Variants in NLGN1 observed in about 807,000 individuals in gnomAD.
NLGN1 encodes neuroligin 1.
NLGN1 carries 12 observed loss-of-function variants against 65.5 expected under a neutral mutation model. That is an observed-to-expected ratio of 0.18 (90% CI 0.12 to 0.30). The LOEUF is 0.30. Among genes scored for constraint, NLGN1 ranks in the 10% least tolerant of loss-of-function variants. The pLI is 1.00. For synonymous variants in NLGN1, 350 were observed against 359.5 expected, an observed-to-expected ratio of 0.97 and a Z score of 0.30; for missense variants, 750 against 1,007.1, an observed-to-expected ratio of 0.74 and a Z score of 3.46.
At chr3:173,433,987 T>G (rs1436633813) in intron 1 of NLGN1, among the ~76,000 whole-genome samples, 1 of 152,172 alleles carries the variant, frequency 6.6e-6, no homozygotes, top group African/African-American at 2.4e-5. Flanking sequence ...TTAAAAGTAT[T>G]TAAGAATCAG....
chr3:173,716,902 T>TG (rs969751964), intron 3 of NLGN1, among the ~76,000 whole-genome samples: 2 of 151,846 alleles, frequency 1.3e-5, no homozygotes, highest in East Asian at 1.9e-4. Flanking sequence ...ACTGAAGGGG[T>TG]GGGGGGTCTG....
chr3:173,977,084 G>A (rs1717631121), intron 4 of NLGN1, among the ~76,000 whole-genome samples: 1 of 147,976 alleles, frequency 6.8e-6, no homozygotes, highest in South Asian at 2.1e-4. Context: ...TGAAGTGGAG[G>A]AAAAAGATAC....
intron 3 of NLGN1, among the ~76,000 whole-genome samples, chr3:173,793,227 C>T (rs970056582): frequency 1.3e-5 from 2 of 151,976 alleles, no homozygotes; most frequent in African/African-American, 4.8e-5. Context: ...GAGCTTTCTA[C>T]AATAATTCAA....
intron 4 of NLGN1, among the ~76,000 whole-genome samples, chr3:173,856,607 T>G (rs1396621018): frequency 6.6e-6 from 1 of 152,118 alleles, no homozygotes. Context: ...TGTTGCAGTG[T>G]AACAGTGTGG....
intron 2 of NLGN1, among the ~76,000 whole-genome samples, chr3:173,497,762 A>G (rs1318408145): frequency 6.6e-6 from 1 of 151,896 alleles, no homozygotes; most frequent in African/African-American, 2.4e-5. Flanking sequence ...AAAAAAATCA[A>G]TATTCAAGGC....
chr3:173,677,463 T>G (rs1224430773), intron 3 of NLGN1, among the ~76,000 whole-genome samples: 1 of 152,052 alleles, frequency 6.6e-6, no homozygotes, highest in Admixed American at 6.6e-5. Flanking sequence ...ATTTGTCATT[T>G]AAAACCTTCA....
chr3:174,191,272 A>G (rs1412437156), intron 4 of NLGN1, among the ~76,000 whole-genome samples: 1 of 152,120 alleles, frequency 6.6e-6, no homozygotes, highest in Non-Finnish European at 1.5e-5. Flanking sequence ...GCTCTATCAA[A>G]GTTCTACTTG....
chr3:174,013,116 T>C (rs1725870250), intron 4 of NLGN1, among the ~76,000 whole-genome samples: 1 of 152,188 alleles, frequency 6.6e-6, no homozygotes, highest in East Asian at 1.9e-4. Flanking sequence ...ATGTACATAA[T>C]GGGTGAAGTC....
At chr3:173,807,387 C>T (rs533263252) in intron 3 of NLGN1, among the ~76,000 whole-genome samples, 18 of 152,188 alleles carry the variant, frequency 1.2e-4, no homozygotes, top group African/African-American at 4.3e-4. Context: ...TTTACTGTCA[C>T]TTGAGGAATT....
At chr3:173,489,586 T>C (rs1728758511) in intron 2 of NLGN1, among the ~76,000 whole-genome samples, 1 of 152,172 alleles carries the variant, frequency 6.6e-6, no homozygotes. Flanking sequence ...TTATAATCCT[T>C]TGGGTATATA....
chr3:173,822,385 G>A (rs1560439257), intron 4 of NLGN1, among the ~76,000 whole-genome samples: 1 of 152,000 alleles, frequency 6.6e-6, no homozygotes, highest in African/African-American at 2.4e-5. Flanking sequence ...GTGTATGTGG[G>A]TATTCCATAG....
chr3:173,953,906 G>A (rs892319079), intron 4 of NLGN1, among the ~76,000 whole-genome samples: 2 of 152,166 alleles, frequency 1.3e-5, no homozygotes, highest in South Asian at 2.1e-4. Context: ...ACTATCAAAA[G>A]TATTCCAATT....
chr3:174,016,155 A>G (rs1726508422), intron 4 of NLGN1, among the ~76,000 whole-genome samples: 2 of 152,216 alleles, frequency 1.3e-5, no homozygotes, highest in South Asian at 4.1e-4. Context: ...GTATAGTAAC[A>G]GATGCTCCAT....
intron 4 of NLGN1, among the ~76,000 whole-genome samples, chr3:173,861,297 A>G (rs1360779551): frequency 6.6e-6 from 1 of 152,054 alleles, no homozygotes; most frequent in Non-Finnish European, 1.5e-5. Flanking sequence ...TGTAATTTTA[A>G]TAAAATCAAG....
intron 1 of NLGN1, among the ~76,000 whole-genome samples, chr3:173,420,086 A>G (rs1207743245): frequency 3.5e-5 from 5 of 143,118 alleles, no homozygotes; most frequent in Admixed American, 7.0e-5. Context: ...CATTATTATT[A>G]TTATTATACT....
At chr3:173,904,965 G>A (rs1299090493) in intron 4 of NLGN1, among the ~76,000 whole-genome samples, 2 of 152,118 alleles carry the variant, frequency 1.3e-5, no homozygotes, top group Non-Finnish European at 2.9e-5. Flanking sequence ...GCCTTATATT[G>A]CTGCTTCTGT....
At chr3:174,095,533 C>CTATATA (rs572907443) in intron 4 of NLGN1, among the ~76,000 whole-genome samples, 1 of 127,184 alleles carries the variant, frequency 7.9e-6, no homozygotes, top group Non-Finnish European at 1.6e-5. Context: ...CATTATATAT[C>CTATATA]TATATATATA....
intron 3 of NLGN1, among the ~76,000 whole-genome samples, chr3:173,761,626 CA>C (rs1360541326): frequency 5.3e-5 from 8 of 152,108 alleles, no homozygotes; most frequent in African/African-American, 1.4e-4. Flanking sequence ...TTTCTGAGAT[CA>C]GGGGGCCCTC....
rs1204892198 is a variant in NLGN1 at position 173,730,609 on chromosome 3, C to G, written c.494-77071C>G. On this transcript the variant is annotated intron_variant, in intron 3 of 6. Coordinates refer to ENST00000457714, the Ensembl canonical transcript of NLGN1. ...CTTCAAGTAGCTAGTGGTCACTGTA[C>G]TGGACAGCACTTATCTAATGCCTTG... Among the ~76,000 whole-genome samples, 7 of 152,030 alleles carry G rather than the reference C, an allele frequency of 4.6e-5. No homozygotes were observed. The South Asian group carries it at 6.2e-4, about 13-fold the overall frequency.
Sources: allele counts gnomAD v4.1 joint callset (sites outside exome capture counted in the v4.1 genomes callset), GRCh38; gene constraint gnomAD v4.1.1; transcripts MANE v1.5; gene names NCBI Gene and HGNC (gene_info 2026-07-23, HGNC 2026-07-21).